The following IL1RAPL1 variants were observed in gnomAD, a reference collection of about 807,000 sequenced individuals.
IL1RAPL1 encodes the protein interleukin 1 receptor accessory protein like 1, also known as interleukin-1 receptor accessory protein-like 1.
A neutral mutation model predicts 48.4 loss-of-function variants in IL1RAPL1; 3 were observed. The ratio of observed to expected loss-of-function variants is 0.06; its 90% CI spans 0.03 to 0.16. The LOEUF (loss-of-function observed/expected upper bound fraction) is 0.16. Ranked by LOEUF, IL1RAPL1 falls within the 10% of genes least tolerant of loss-of-function variation. IL1RAPL1 has a pLI of 1.00. For missense variants in IL1RAPL1, 349 were observed against 530.6 expected (o/e 0.66, Z 3.36); for synonymous variants, 185 against 187.7 (o/e 0.99, Z 0.12).
At chrX:29,089,114 G>A (rs752791335) in intron 2 of IL1RAPL1, among the ~76,000 whole-genome samples, 1 of 111,428 alleles carries the variant, frequency 9.0e-6, no homozygotes, top group Non-Finnish European at 1.9e-5. Context: ...ATTTTTTCAG[G>A]TAATTCTGCA....
chrX:29,419,513 G>A (rs1453407077), intron 5 of IL1RAPL1, among the ~76,000 whole-genome samples: 5 of 110,603 alleles, frequency 4.5e-5, no homozygotes, highest in East Asian at 2.8e-4. Flanking sequence ...TAGAGATGGC[G>A]TTTCACCATG....
At chrX:29,383,173 A>G (rs927060311) in intron 3 of IL1RAPL1, among the ~76,000 whole-genome samples, 3 of 112,061 alleles carry the variant, frequency 2.7e-5, no homozygotes, top group Non-Finnish European at 5.6e-5. Flanking sequence ...CAGGAATAAT[A>G]CCTATTGTGT....
At chrX:29,143,650 G>A (rs907689388) in intron 2 of IL1RAPL1, among the ~76,000 whole-genome samples, 4 of 111,784 alleles carry the variant, frequency 3.6e-5, no homozygotes, top group East Asian at 2.8e-4. Context: ...TCATGGTATC[G>A]CATGACAGTA....
At chrX:29,762,065 G>T (rs1324153400) in intron 6 of IL1RAPL1, among the ~76,000 whole-genome samples, 1 of 111,644 alleles carries the variant, frequency 9.0e-6, no homozygotes, top group Non-Finnish European at 1.9e-5. Context: ...TGGCAAATTC[G>T]TGAGCAATCT....
At chrX:29,191,729 G>A (rs946144437) in intron 2 of IL1RAPL1, among the ~76,000 whole-genome samples, 1 of 111,176 alleles carries the variant, frequency 9.0e-6, no homozygotes, top group African/African-American at 3.3e-5. Flanking sequence ...AGGTAGCACC[G>A]ACCTCCCCCA....
chrX:28,622,238 A>G (rs1331934256), intron 1 of IL1RAPL1, among the ~76,000 whole-genome samples: 1 of 111,736 alleles, frequency 8.9e-6, no homozygotes, highest in Non-Finnish European at 1.9e-5. Context: ...TCCCTAACAT[A>G]TTTTGCATAT....
Position 28,955,600 on chromosome X carries a change from C to T in IL1RAPL1, c.82+166175C>T, listed in dbSNP as rs530576144. 1.6e-4 allele frequency among the ~76,000 whole-genome samples: 17 copies of T among 107,161 alleles called. No individual in the cohort carries two copies. In the South Asian group the frequency reaches 2.1e-3, roughly 13 times the overall value. 93.1% of individuals were successfully genotyped at this position (107,161 alleles called of 115,157 possible). A position where few individuals can be genotyped will look rare whatever the true frequency, so the allele number is the denominator to read the frequency against. On this transcript the variant is annotated intron_variant, in intron 2 of 10. Coordinates refer to ENST00000378993, the MANE Select transcript of IL1RAPL1 (RefSeq NM_014271.4). ...AGATCAGATAGTTGTAGATATGCGGCGTTATTTCTGAGGGCTCTGTTCTGT... is the reference window on the plus strand; with the variant it reads ...AGATCAGATAGTTGTAGATATGCGGTGTTATTTCTGAGGGCTCTGTTCTGT...
At chrX:29,355,599 G>A (rs182103395) in intron 3 of IL1RAPL1, among the ~76,000 whole-genome samples, 7 of 112,028 alleles carry the variant, frequency 6.2e-5, no homozygotes, top group African/African-American at 2.3e-4. Context: ...AAGTAAAAAC[G>A]AGCGTGAGAT....
At chrX:28,672,681 C>T (rs771241582) in intron 1 of IL1RAPL1, among the ~76,000 whole-genome samples, 8 of 111,412 alleles carry the variant, frequency 7.2e-5, no homozygotes, top group Admixed American at 1.9e-4. Context: ...ACCTGCCAGC[C>T]CCATCACCCC....
At chrX:29,351,197 T>C (rs1010509644) in intron 3 of IL1RAPL1, among the ~76,000 whole-genome samples, 19 of 112,173 alleles carry the variant, frequency 1.7e-4, no homozygotes, top group African/African-American at 5.5e-4. Flanking sequence ...GGGAACTTTA[T>C]TGAAGTGGTA....
At chrX:28,967,619 T>C (rs1343511845) in intron 2 of IL1RAPL1, among the ~76,000 whole-genome samples, 1 of 111,813 alleles carries the variant, frequency 8.9e-6, no homozygotes, top group Non-Finnish European at 1.9e-5. Context: ...ACCTTACTCA[T>C]CATTACAAGC....
intron 2 of IL1RAPL1, among the ~76,000 whole-genome samples, chrX:29,223,229 G>A (rs1340514597): frequency 9.0e-6 from 1 of 111,237 alleles, no homozygotes; most frequent in Admixed American, 9.6e-5. Flanking sequence ...TCATCATTTT[G>A]CCCCTTTGGA....
At chrX:29,908,140 G>T (rs778854358) in intron 6 of IL1RAPL1, among the ~76,000 whole-genome samples, 2 of 110,695 alleles carry the variant, frequency 1.8e-5, no homozygotes, top group African/African-American at 6.6e-5. Context: ...ACCCCACTAT[G>T]GAAAACTGGC....
At chrX:29,530,228 A>G in intron 5 of IL1RAPL1, among the ~76,000 whole-genome samples, 1 of 111,712 alleles carries the variant, frequency 9.0e-6, no homozygotes, top group Non-Finnish European at 1.9e-5. Context: ...AATTCCTGCA[A>G]ATTTAATGCC....
At chrX:28,659,584 G>A (rs1934793033) in intron 1 of IL1RAPL1, 1 of 417,085 alleles carries the variant, frequency 2.4e-6, no homozygotes, top group East Asian at 4.1e-5. Flanking sequence ...GCTAGAGAGC[G>A]ACGGTGGCGG....
At chrX:29,829,479 C>T (rs1930822761) in intron 6 of IL1RAPL1, among the ~76,000 whole-genome samples, 1 of 110,434 alleles carries the variant, frequency 9.1e-6, no homozygotes, top group South Asian at 3.9e-4. Context: ...TGAGGTCTTT[C>T]TTTTGGGTAT....
intron 5 of IL1RAPL1, among the ~76,000 whole-genome samples, chrX:29,588,718 T>C (rs1452660228): frequency 1.8e-5 from 2 of 112,033 alleles, no homozygotes; most frequent in African/African-American, 3.2e-5. Context: ...CTGTTGATAT[T>C]TTCTAGTGAT....
At chrX:29,550,186 C>T (rs189876283) in intron 5 of IL1RAPL1, among the ~76,000 whole-genome samples, 1 of 110,536 alleles carries the variant, frequency 9.0e-6, no homozygotes, top group Non-Finnish European at 1.9e-5. Context: ...AAATTCTTTT[C>T]TTTTCTTTTC....
intron 6 of IL1RAPL1, among the ~76,000 whole-genome samples, chrX:29,831,890 TAA>T (rs1201898400): frequency 3.6e-5 from 4 of 111,938 alleles, no homozygotes; most frequent in Non-Finnish European, 7.5e-5. Context: ...TTTTATTATA[TAA>T]GTTTATTAAT....
Sources: allele counts gnomAD v4.1 joint callset (sites outside exome capture counted in the v4.1 genomes callset), GRCh38; gene constraint gnomAD v4.1.1; transcripts MANE v1.5; gene names NCBI Gene and HGNC (gene_info 2026-07-23, HGNC 2026-07-21).